ZNF385D: variants seen among roughly 807,000 people sequenced by gnomAD.
The protein encoded by ZNF385D is zinc finger protein 385D, also known as zinc finger protein 659.
ZNF385D carries 15 observed loss-of-function variants against 35.8 expected under a neutral mutation model. That is an observed-to-expected ratio of 0.42 (90% confidence interval 0.28 to 0.64). ZNF385D has a LOEUF of 0.64. Ranked by LOEUF, ZNF385D falls within the 30% of genes least tolerant of loss-of-function variation. ZNF385D has a pLI of 0.23. For synonymous variants in ZNF385D, 212 were observed against 186.8 expected (o/e 1.13, Z -1.10); for missense variants, 474 against 494.6 (o/e 0.96, Z 0.39).
chr3:22,237,439 T>C (rs1699250246), intron 2 of ZNF385D, among the ~76,000 whole-genome samples: 1 of 152,146 alleles, frequency 6.6e-6, no homozygotes, highest in African/African-American at 2.4e-5. Flanking sequence ...TTTGCAAATA[T>C]TTTCTCCCAT....
At chr3:21,423,645 A>C (rs552908229) in intron 7 of ZNF385D, among the ~76,000 whole-genome samples, 1 of 152,340 alleles carries the variant, frequency 6.6e-6, no homozygotes, top group African/African-American at 2.4e-5. Flanking sequence ...TTCAAAATCC[A>C]AAATTGTTGA....
intron 3 of ZNF385D, among the ~76,000 whole-genome samples, chr3:21,851,168 A>G (rs1696361503): frequency 1.3e-5 from 2 of 152,124 alleles, no homozygotes; most frequent in South Asian, 2.1e-4. Context: ...AATAAAAACT[A>G]TAGAAGTAAA....
At position 21,511,234 on chromosome 3, in the gene ZNF385D, G is replaced by A. The variant is rs184500118; in HGVS notation, c.277-211C>T. Among the ~76,000 whole-genome samples the A allele has an allele frequency of 3.3e-5, 5 of 152,188 alleles. No individual in the cohort carries two copies. The East Asian group carries it at 9.7e-4, about 30-fold the overall frequency. Reference sequence around the variant, plus strand: ...TCAGGATAGAAGGAAGAAATACTCTGTTGTTTATCTTAAGAGAAATGTAGC... The same window carrying A: ...TCAGGATAGAAGGAAGAAATACTCTATTGTTTATCTTAAGAGAAATGTAGC... On this transcript the variant is annotated intron_variant, in intron 3 of 7. Transcript: ENST00000281523.
chr3:22,179,545 G>C (rs1052910453), intron 2 of ZNF385D, among the ~76,000 whole-genome samples: 1 of 152,232 alleles, frequency 6.6e-6, no homozygotes, highest in Non-Finnish European at 1.5e-5. Flanking sequence ...GGGACAATCT[G>C]ACTTCCTCTT....
intron 3 of ZNF385D, among the ~76,000 whole-genome samples, chr3:21,759,325 T>C (rs977686122): frequency 6.6e-6 from 1 of 150,720 alleles, no homozygotes; most frequent in Non-Finnish European, 1.5e-5. Context: ...GGATTGTGAA[T>C]GATGTGTCTG....
In ZNF385D at chr3:22,085,605, G is replaced by T. The variant is rs528269730; in HGVS notation, c.325+83212C>A. ...ATTAACAGCCTACCAACCAAAAAAA[G>T]TCCAGGACCAGACGGATTCACAGCC... is the stretch of plus-strand genomic sequence containing the variant. On this transcript the variant is annotated intron_variant, in intron 3 of 5. Transcript: ENST00000494108. Among the ~76,000 whole-genome samples the T allele has an allele frequency of 4.7e-3, 722 of 152,276 alleles. 11 individuals carry two copies. The highest frequency in any genetic ancestry group is 0.016 in the African/African-American group (657 of 41,546).
intron 3 of ZNF385D, among the ~76,000 whole-genome samples, chr3:21,819,780 T>TC (rs2073320840): frequency 4.6e-5 from 2 of 43,776 alleles, no homozygotes; most frequent in Non-Finnish European, 1.2e-4. Context: ...TTAATACACA[T>TC]AAATATAATA....
intron 3 of ZNF385D, among the ~76,000 whole-genome samples, chr3:22,164,321 C>T (rs1706172410): frequency 1.4e-5 from 2 of 147,906 alleles, no homozygotes; most frequent in African/African-American, 5.0e-5. Flanking sequence ...CTCTGCCTCC[C>T]GGGTTCAAGT....
chr3:21,480,050 G>A (rs1490268119), intron 4 of ZNF385D, among the ~76,000 whole-genome samples: 2 of 151,372 alleles, frequency 1.3e-5, no homozygotes, highest in African/African-American at 4.9e-5. Flanking sequence ...CAGAGATGGT[G>A]GCATATAATA....
intron 3 of ZNF385D, among the ~76,000 whole-genome samples, chr3:22,017,890 GTTT>G: frequency 6.6e-6 from 1 of 151,646 alleles, no homozygotes; most frequent in East Asian, 1.9e-4. Flanking sequence ...TATTCAACTT[GTTT>G]TTTGCCTATT....
intron 3 of ZNF385D, among the ~76,000 whole-genome samples, chr3:22,120,896 G>C (rs995890645): frequency 6.6e-6 from 1 of 152,114 alleles, no homozygotes; most frequent in Non-Finnish European, 1.5e-5. Context: ...TTTAATGGCA[G>C]AAGAGAACTT....
chr3:22,218,129 A>C (rs984454128), intron 2 of ZNF385D, among the ~76,000 whole-genome samples: 10 of 152,010 alleles, frequency 6.6e-5, no homozygotes, highest in African/African-American at 2.4e-4. Context: ...TAAATTCCAC[A>C]GCTATCTCGT....
At chr3:22,116,352 C>CT (rs147339382) in intron 3 of ZNF385D, among the ~76,000 whole-genome samples, 68 of 152,080 alleles carry the variant, frequency 4.5e-4, no homozygotes, top group African/African-American at 1.5e-3. Context: ...CAACATACTC[C>CT]TTTTTTCCAT....
At chr3:21,841,101 T>C (rs182604249) in intron 3 of ZNF385D, among the ~76,000 whole-genome samples, 3 of 152,150 alleles carry the variant, frequency 2.0e-5, no homozygotes, top group East Asian at 1.9e-4. Flanking sequence ...TCAAAGGCAA[T>C]GAAGCAAGGA....
At chr3:21,683,145 C>G (rs983565589) in intron 1 of ZNF385D, among the ~76,000 whole-genome samples, 1 of 149,816 alleles carries the variant, frequency 6.7e-6, no homozygotes, top group Non-Finnish European at 1.5e-5. Context: ...ATTGAAAACA[C>G]TGAGGCCAGA....
At chr3:21,645,106 T>C (rs1245216899) in intron 2 of ZNF385D, among the ~76,000 whole-genome samples, 8 of 152,308 alleles carry the variant, frequency 5.3e-5, no homozygotes, top group Admixed American at 2.0e-4. Flanking sequence ...AGTATATGTT[T>C]GATGCAACGG....
intron 3 of ZNF385D, among the ~76,000 whole-genome samples, chr3:21,561,388 G>A (rs1423116791): frequency 6.6e-6 from 1 of 152,170 alleles, no homozygotes; most frequent in Non-Finnish European, 1.5e-5. Flanking sequence ...AGCTTCCCTT[G>A]GCTAGGAGAG....
intron 3 of ZNF385D, among the ~76,000 whole-genome samples, chr3:21,979,012 G>C (rs963718021): frequency 6.6e-6 from 1 of 151,694 alleles, no homozygotes; most frequent in Admixed American, 6.6e-5. Context: ...CAAAATTCAG[G>C]CTCACCAGCT....
At chr3:22,148,041 G>A (rs577732399) in intron 3 of ZNF385D, among the ~76,000 whole-genome samples, 1 of 152,236 alleles carries the variant, frequency 6.6e-6, no homozygotes, top group East Asian at 1.9e-4. Flanking sequence ...TAAAAATGTA[G>A]TTTGATTGTG....
Sources: gnomAD v4.1 joint callset for allele counts (sites outside exome capture counted in the v4.1 genomes callset) on GRCh38, gnomAD v4.1.1 for gene constraint, MANE v1.5 for transcripts, NCBI Gene and HGNC (gene_info 2026-07-23, HGNC 2026-07-21) for gene names.